Variants in ARHGEF4 observed in about 807,000 individuals in gnomAD.
ARHGEF4 encodes the protein APC-stimulated guanine nucleotide exchange factor 1.
In ARHGEF4, 119 loss-of-function variants were observed where a neutral mutation model predicts 162.0. That is an observed-to-expected ratio of 0.73 (90% CI 0.63 to 0.86). The LOEUF is 0.86. ARHGEF4 is among the 40% of genes least tolerant of loss of function. The pLI is 0.00. For synonymous variants in ARHGEF4, 1,014 were observed against 979.9 expected (o/e 1.03, Z -0.65); for missense variants, 2,488 against 2,456.0 (o/e 1.01, Z -0.28).
chr2:130,846,053 G>A (rs1574085132), intron 1 of ARHGEF4, among the ~76,000 whole-genome samples: 1 of 151,772 alleles, frequency 6.6e-6, no homozygotes, highest in Non-Finnish European at 1.5e-5. Flanking sequence ...GTTACACCTC[G>A]ATCAAGCCAG....
intron 4 of ARHGEF4, among the ~76,000 whole-genome samples, chr2:130,959,893 A>G (rs1449755332): frequency 6.6e-6 from 1 of 152,178 alleles, no homozygotes; most frequent in Admixed American, 6.5e-5. Context: ...GACTTAGACA[A>G]GCTTTGATCC....
At chr2:130,874,098 C>T (rs1559012879) in intron 1 of ARHGEF4, among the ~76,000 whole-genome samples, 2 of 151,984 alleles carry the variant, frequency 1.3e-5, no homozygotes. Context: ...TTTAACTCTC[C>T]TTTTTACGAG....
intron 4 of ARHGEF4, among the ~76,000 whole-genome samples, chr2:130,998,841 T>C (rs1278356608): frequency 6.6e-6 from 1 of 152,212 alleles, no homozygotes; most frequent in Non-Finnish European, 1.5e-5. Context: ...AGGAGTGTGA[T>C]TGCTGGATCA....
chr2:130,884,106 G>C (rs772998654), intron 1 of ARHGEF4, among the ~76,000 whole-genome samples: 2 of 152,028 alleles, frequency 1.3e-5, no homozygotes, highest in African/African-American at 2.4e-5. Flanking sequence ...TTCCAAAAAG[G>C]GTGTAATGAT....
intron 5 of ARHGEF4, chr2:131,035,009 G>A (rs1690135823): frequency 4.1e-6 from 4 of 985,836 alleles, no homozygotes; most frequent in Non-Finnish European, 4.8e-6. Context: ...CAGGCGCCCC[G>A]CCTCTCCCCG....
chr2:130,891,453 G>A (rs1679858552), intron 1 of ARHGEF4, among the ~76,000 whole-genome samples: 1 of 152,176 alleles, frequency 6.6e-6, no homozygotes, highest in South Asian at 2.1e-4. Context: ...CTGACTGTGT[G>A]GCTATTCACA....
In ARHGEF4 at chr2:131,046,455, C is replaced by T. The variant is rs1691273398; in HGVS notation, c.*266C>T. The T allele has an allele frequency of 2.1e-6, 1 of 473,404 alleles. No homozygotes were observed. Among genetic ancestry groups the T allele is most frequent in the Admixed American group, 3.6e-5 (1 of 27,540 alleles). The allele number at this position is 473,404 out of a possible 1,614,324, so 29.3% of individuals were successfully genotyped here. A position where few individuals can be genotyped will look rare whatever the true frequency, so the allele number is the denominator to read the frequency against. ...CTTGGGCCCCATCCGCCCTCTGGAC[C>T]TGTGTAGGGCCTCACTGCTGGAGCG... is the stretch of plus-strand genomic sequence containing the variant. On this transcript the variant is annotated 3_prime_UTR_variant, in exon 14 of 14. Transcript: ENST00000409359.
intron 4 of ARHGEF4, chr2:131,011,704 G>A: frequency 6.8e-7 from 1 of 1,475,828 alleles, no homozygotes; most frequent in South Asian, 1.2e-5. Flanking sequence ...AATGAGGCCA[G>A]ATGGGCAGCA....
At chr2:130,934,790 C>G (rs1346593318) in intron 3 of ARHGEF4, among the ~76,000 whole-genome samples, 1 of 152,108 alleles carries the variant, frequency 6.6e-6, no homozygotes, top group Non-Finnish European at 1.5e-5. Flanking sequence ...GTGATCTGCC[C>G]GCCTCAGCCT....
intron 4 of ARHGEF4, among the ~76,000 whole-genome samples, chr2:130,970,981 T>G (rs1357612341): frequency 6.6e-6 from 1 of 152,216 alleles, no homozygotes; most frequent in Admixed American, 6.5e-5. Context: ...TCAGAAATCT[T>G]TATGTAACCT....
At chr2:130,865,704 T>TTTTG (rs143950880) in intron 1 of ARHGEF4, among the ~76,000 whole-genome samples, 9,870 of 151,706 alleles carry the variant, frequency 0.065, 531 homozygotes, top group African/African-American at 0.14. Flanking sequence ...CAAAGATAGG[T>TTTTG]TTTGTTTGTT....
intron 9 of ARHGEF4, 130 bp from the exon 10 acceptor site, chr2:131,041,685 C>A: frequency 7.6e-7 from 1 of 1,318,156 alleles, no homozygotes; most frequent in Non-Finnish European, 1.0e-6. Context: ...GGCTGTGCAT[C>A]TGATAGTGAG....
chr2:130,902,706 G>A (rs1680557603), intron 1 of ARHGEF4, among the ~76,000 whole-genome samples: 1 of 152,098 alleles, frequency 6.6e-6, no homozygotes, highest in African/African-American at 2.4e-5. Context: ...TAATCCTCTC[G>A]GCACATTATG....
At chr2:130,934,699 T>G (rs529531893) in intron 3 of ARHGEF4, among the ~76,000 whole-genome samples, 29 of 152,198 alleles carry the variant, frequency 1.9e-4, no homozygotes, top group African/African-American at 6.7e-4. Flanking sequence ...TGCACTGCCA[T>G]GCATGGTTAA....
At chr2:130,837,702 G>T in intron 1 of ARHGEF4, 2 of 425,588 alleles carry the variant, frequency 4.7e-6, no homozygotes, top group Non-Finnish European at 9.5e-6. Context: ...ACCTCCCCAG[G>T]TGAGCCAGCG....
chr2:130,865,931 G>A (rs924158302), intron 1 of ARHGEF4, among the ~76,000 whole-genome samples: 33 of 152,072 alleles, frequency 2.2e-4, no homozygotes, highest in Admixed American at 1.5e-3. Flanking sequence ...TTCTCCTGAG[G>A]GATGCATGTC....
At chr2:130,980,444 TAACA>T (rs1194065565) in intron 4 of ARHGEF4, among the ~76,000 whole-genome samples, 1 of 151,866 alleles carries the variant, frequency 6.6e-6, no homozygotes, top group African/African-American at 2.4e-5. Flanking sequence ...TAAGACTAAC[TAACA>T]TTTTTTCTTT....
intron 4 of ARHGEF4, among the ~76,000 whole-genome samples, chr2:130,954,970 T>C (rs1684180625): frequency 6.6e-6 from 1 of 152,042 alleles, no homozygotes; most frequent in Non-Finnish European, 1.5e-5. Context: ...TTCATTTTTT[T>C]TTCATGGTTT....
At chr2:131,045,580 T>C (rs754495188) in intron 13 of ARHGEF4, 134 bp downstream of exon 13, 9 of 1,598,454 alleles carry the variant, frequency 5.6e-6, no homozygotes, top group Non-Finnish European at 7.7e-6. Context: ...TGCAGCTGTT[T>C]GTTCCCAAAG....
Sources: allele counts gnomAD v4.1 joint callset (sites outside exome capture counted in the v4.1 genomes callset), GRCh38; gene constraint gnomAD v4.1.1; transcripts MANE v1.5; gene names NCBI Gene and HGNC (gene_info 2026-07-23, HGNC 2026-07-21).